PLOD3: variants seen among roughly 807,000 people sequenced by gnomAD.
PLOD3 encodes multifunctional procollagen lysine hydroxylase and glycosyltransferase LH3.
Under a neutral mutation model 96.9 loss-of-function variants are expected in PLOD3, and 73 were observed. The observed-to-expected ratio is 0.75, with a 90% CI of 0.62 to 0.92. The LOEUF is 0.92. Ranked by LOEUF, PLOD3 falls within the 40% of genes least tolerant of loss-of-function variation. The probability of loss-of-function intolerance (pLI) is 0.00; values close to 1 mark genes in which losing one functional copy is unlikely to be tolerated. For missense variants in PLOD3, 1,004 were observed against 1,004.3 expected, an observed-to-expected ratio of 1.00 and a Z score of 0.00; for synonymous variants, 454 against 413.7, an observed-to-expected ratio of 1.10 and a Z score of -1.18.
chr7:101,214,927 C>T (rs182614787), intron 6 of PLOD3, among the ~76,000 whole-genome samples, 162 bp downstream of exon 6: 1 of 152,324 alleles, frequency 6.6e-6, no homozygotes, highest in East Asian at 1.9e-4. Context: ...CTGGTAGTAC[C>T]ATCAGCACAG....
At chr7:101,210,726 C>A (rs1798168729) in intron 12 of PLOD3, 53 bp from the exon 13 acceptor site, 5 of 1,605,420 alleles carry the variant, frequency 3.1e-6, no homozygotes, top group Non-Finnish European at 4.3e-6. Flanking sequence ...CAAATTCTGC[C>A]CAGCTCATCC....
chr7:101,207,966 G>C (rs1004025450), intron 16 of PLOD3, among the ~76,000 whole-genome samples: 2 of 152,190 alleles, frequency 1.3e-5, no homozygotes, highest in African/African-American at 4.8e-5. Context: ...CTTCCCCGTG[G>C]CTTCTATTGC....
Position 101,211,831 on chromosome 7 carries a change from G to A in PLOD3, c.1232+15C>T, listed in dbSNP as rs1798186480. 7.5e-6 allele frequency: 12 copies of A among 1,604,274 alleles called. No homozygotes were observed. Among genetic ancestry groups the A allele is most frequent in the Non-Finnish European group, 1.0e-5 (12 of 1,173,434 alleles). ...TTGGGGTGCCCTCCGGCTGCGGGGA[G>A]AGGGGGTAAGCCACCTGTTCTCCTC... On this transcript the variant is annotated intron_variant, in intron 11 of 18. Coordinates refer to ENST00000223127, the MANE Select transcript of PLOD3 (RefSeq NM_001084.5).
In PLOD3 at chr7:101,216,534, C is replaced by A. The variant is rs1490987058; in HGVS notation, c.214G>T (p.Gly72Ter). ...FNYTVRTLGLGEEWRGGDVAR... is the reference protein window; with the variant it reads ...FNYTVRTLGL ...ACATCACCCCCTCGCCACTCCTCTC[C>A]CAGGCCCAGGGTCTGTGGAGAAGAT... The change falls in exon 3 of 19, where the codon GGA becomes TGA. Residue 72 changes from glycine (G) to a stop codon, truncating the protein, a stop_gained. Transcript: ENST00000223127. LOFTEE classifies it high-confidence loss of function. 1 of 1,614,004 alleles carries A rather than the reference C, an allele frequency of 6.2e-7. No homozygotes were observed. Among genetic ancestry groups the A allele is most frequent in the Non-Finnish European group, 8.5e-7 (1 of 1,180,034 alleles).
intron 6 of PLOD3, among the ~76,000 whole-genome samples, 191 bp downstream of exon 6, chr7:101,214,898 G>GT (rs1798244389): frequency 6.6e-6 from 1 of 152,148 alleles, no homozygotes; most frequent in African/African-American, 2.4e-5. Flanking sequence ...TGCCAGACAC[G>GT]TTTTTGCTTC....
intron 12 of PLOD3, 67 bp from the exon 13 acceptor site, chr7:101,210,740 G>C: frequency 2.5e-6 from 4 of 1,587,052 alleles, no homozygotes; most frequent in African/African-American, 1.3e-5. Context: ...CTCATCCCGG[G>C]AAGTCCTTCT....
rs1367626435 is a variant in PLOD3, at chr7:101,212,358, G to C, written c.1022C>G (p.Pro341Arg). 1.2e-6 allele frequency: 2 copies of C among 1,613,668 alleles called. No individual in the cohort carries two copies. The highest frequency in any genetic ancestry group is 1.3e-5 in the African/African-American group (1 of 74,894). ...FLHNNEVFHE[P>R]HIADSWPQLQ... ...CTGCGGCCAGGAGTCAGCGATGTGG[G>C]GTTCATGGAAGACCTCCTGGGAGGG... The change falls in exon 10 of 19, where the codon CCC becomes CGC. Residue 341 changes from proline to arginine, a missense_variant. Pro to Arg is a moderately radical substitution (Grantham distance 103). Transcript: ENST00000223127.
chr7:101,206,400 T>G lies in PLOD3; in HGVS notation c.2098A>C (p.Ile700Leu). ...GCCCAGCCCTTCCTCGGGGAGGAGA[T>G]CACACAGTCGTAGCGCAGGAAGCGG... Reference protein sequence around the residue: ...GCRFLRYDCVISSPRKGWALL... With the variant: ...GCRFLRYDCVLSSPRKGWALL... The change falls in exon 19 of 19, where the codon ATC (isoleucine) becomes CTC (leucine). Residue 700 changes from isoleucine (I) to leucine (L), a missense_variant. By Grantham distance (5) the Ile-to-Leu change is conservative (BLOSUM62 2). This residue lies in a region of PLOD3 where 222 missense variants were observed against 220.4 expected (regional missense o/e 1.01). Coordinates refer to ENST00000223127, the MANE Select transcript of PLOD3 (RefSeq NM_001084.5). The G allele has an allele frequency of 6.2e-7, 1 of 1,613,016 alleles. No homozygotes were observed. Among genetic ancestry groups the G allele is most frequent in the Non-Finnish European group, 8.5e-7 (1 of 1,179,668 alleles).
chr7:101,215,648 T>C (rs1798257149), intron 5 of PLOD3, among the ~76,000 whole-genome samples: 1 of 151,972 alleles, frequency 6.6e-6, no homozygotes, highest in Non-Finnish European at 1.5e-5. Context: ...GCGTACACCA[T>C]GAAGCCTGGC....
At position 101,206,284 on chromosome 7, in the gene PLOD3, G is replaced by C. The variant is rs200313514; in HGVS notation, c.2214C>G (p.Pro738=). The C allele has an allele frequency of 1.9e-6, 3 of 1,613,918 alleles. No individual in the cohort carries two copies. In the Admixed American group the frequency reaches 5.0e-5, roughly 27 times the overall value. Residue 738 remains proline (P), a synonymous_variant, in exon 19 of 19, where the codon CCC becomes CCG. Transcript: ENST00000223127. ...GGTTTGGCAGAGTGGTTGAGTGTCA[G>C]GGGTCGACAAAGGACACCATGATGT... ...TRYIMVSFVD[P]
rs942940528 is a variant in PLOD3 at position 101,215,226 on chromosome 7, CTCTTTT to C, written c.616-80_616-75del. 10 of 1,111,618 alleles carry C rather than the reference CTCTTTT, an allele frequency of 9.0e-6. No homozygotes were observed. In the African/African-American group the frequency reaches 1.5e-4, roughly 17 times the overall value. The allele number at this position is 1,111,618 out of a possible 1,614,324, so 68.9% of individuals were successfully genotyped here. ...AGGACATCATTTCTCACTTTTCTCT[CTCTTTT>C]TTTCTTCTCTTGCTTTTGTTGCTTA... On this transcript the variant is annotated intron_variant, in intron 5 of 18. Coordinates refer to ENST00000223127, the MANE Select transcript of PLOD3 (RefSeq NM_001084.5).
chr7:101,208,518 G>T, intron 16 of PLOD3: 1 of 359,010 alleles, frequency 2.8e-6, no homozygotes, highest in South Asian at 2.1e-5. Context: ...TGGGATTACA[G>T]GCGTGAGCCA....
rs542552917 is a variant in PLOD3 at position 101,211,926 on chromosome 7, C to T, written c.1152G>A (p.Glu384=). ...MAMDLCRQDP[E]CEFYFSLDAD... Reference sequence around the variant, plus strand: ...CGTCCAGGCTGAAGTAGAACTCACACTCGGGGTCCTGCCGACACAGGTCCC... The same window carrying T: ...CGTCCAGGCTGAAGTAGAACTCACATTCGGGGTCCTGCCGACACAGGTCCC... The change falls in exon 11 of 19, where the codon GAG becomes GAA. Residue 384 remains glutamate, a synonymous_variant. Transcript: ENST00000223127. The T allele has an allele frequency of 5.0e-6, 8 of 1,607,992 alleles. No homozygotes were observed. The East Asian group carries it at 6.7e-5, about 14-fold the overall frequency.
At position 101,207,615 on chromosome 7, in the gene PLOD3, G is replaced by C; in HGVS notation, c.1898C>G (p.Pro633Arg). Residue 633 changes from proline (P) to arginine (R), a missense_variant, in exon 17 of 19, where the codon CCC (proline) becomes CGC (arginine). Physicochemically the swap from Pro to Arg is moderately radical, Grantham distance 103 (BLOSUM62 -2). Around this residue, in one of 5 missense-constraint regions of PLOD3, gnomAD observed 222 missense variants for 220.4 expected, o/e 1.01. Coordinates refer to ENST00000223127, the MANE Select transcript of PLOD3 (RefSeq NM_001084.5). ...ACCGGGAAACAGGCTCTCGGTCATG[G>C]GGCCCACATACGTCCGCAGCAGCTG... is the stretch of plus-strand genomic sequence containing the variant. ...WLQLLRTYVG[P>R]MTESLFPGYH... The C allele has an allele frequency of 6.2e-7, 1 of 1,614,036 alleles. No homozygotes were observed. The highest frequency in any genetic ancestry group is 8.5e-7 in the Non-Finnish European group (1 of 1,179,958).
chr7:101,210,349 C>G lies in PLOD3; in HGVS notation c.1596G>C (p.Gln532His). Reference protein sequence around the residue: ...DTEHLHPDLWQIFDNPVDWKE... With the variant: ...DTEHLHPDLWHIFDNPVDWKE... Reference sequence around the variant, plus strand: ...CACTCACGACGGGGTTGTCGAAGATCTGCCAGAGGTCGGGGTGCAGGTGCT... The same window carrying G: ...CACTCACGACGGGGTTGTCGAAGATGTGCCAGAGGTCGGGGTGCAGGTGCT... Residue 532 changes from glutamine to histidine, a missense_variant, in exon 14 of 19, where the codon CAG (glutamine) becomes CAC (histidine). Gln to His is a conservative substitution (Grantham distance 24). Transcript: ENST00000223127. 6.2e-7 allele frequency: 1 copy of G among 1,614,096 alleles called. No individual in the cohort carries two copies. The highest frequency in any genetic ancestry group is 1.3e-5 in the African/African-American group (1 of 75,070).
At chr7:101,213,237 C>T (rs1405607321) in intron 6 of PLOD3, 33 bp from the exon 7 acceptor site, 1 of 1,414,606 alleles carries the variant, frequency 7.1e-7, no homozygotes, top group Admixed American at 1.7e-5. Context: ...TTCAGACCCC[C>T]TTTCTCTGGG....
intron 12 of PLOD3, chr7:101,211,326 C>T (rs560223511): frequency 5.4e-5 from 23 of 425,232 alleles, no homozygotes; most frequent in African/African-American, 4.2e-4. Flanking sequence ...ACCACAGGCA[C>T]GCACCACCGT....
At position 101,216,214 on chromosome 7, in the gene PLOD3, C is replaced by T. The variant is rs1798269422; in HGVS notation, c.451G>A (p.Ala151Thr). The change falls in exon 4 of 19, where the codon GCG (alanine) becomes ACG (threonine). Residue 151 changes from alanine (A) to threonine (T), a missense_variant. Coordinates refer to ENST00000223127, the MANE Select transcript of PLOD3 (RefSeq NM_001084.5). ...GTGCCCACCTCAGGGTACTGCTCCG[C>T]CAGCCCCCACTCGGGCCAGCAGAAG... ...ESFCWPEWGL[A>T]EQYPEVGTGK... 1 of 1,613,866 alleles carries T rather than the reference C, an allele frequency of 6.2e-7. No individual in the cohort carries two copies. Among genetic ancestry groups the T allele is most frequent in the African/African-American group, 1.3e-5 (1 of 74,946 alleles).
At position 101,216,052 on chromosome 7, in the gene PLOD3, C is replaced by CTCCCAGGG. The variant is rs368739549; in HGVS notation, c.503-40_503-33dup. 5 of 1,607,694 alleles carry CTCCCAGGG rather than the reference C, an allele frequency of 3.1e-6. No homozygotes were observed. The African/African-American group carries it at 5.3e-5, about 17-fold the overall frequency. ...GGGAGGGGGAGTGTTGACCTCGAGA[C>CTCCCAGGG]TCCCAGGGTCCCAGGGCCTGTCCCC... is the stretch of plus-strand genomic sequence containing the variant. On this transcript the variant is annotated intron_variant, in intron 4 of 18. Coordinates refer to ENST00000223127, the MANE Select transcript of PLOD3 (RefSeq NM_001084.5).
Sources: allele counts gnomAD v4.1 joint callset (sites outside exome capture counted in the v4.1 genomes callset), GRCh38; gene constraint gnomAD v4.1.1; regional missense constraint gnomAD v4.1.1; transcripts MANE v1.5; gene names NCBI Gene and HGNC (gene_info 2026-07-23, HGNC 2026-07-21).